Variants in TEX29 observed in about 807,000 individuals in gnomAD.
The protein encoded by TEX29 is testis-expressed protein 29.
In TEX29, 26 loss-of-function variants were observed where a neutral mutation model predicts 18.2. That is an observed-to-expected ratio of 1.43 (90% CI 1.04 to 1.98). TEX29 has a LOEUF of 1.98. Ranked by LOEUF, TEX29 falls within the 30% of genes most tolerant of loss-of-function variation. The pLI, the probability that TEX29 is intolerant of heterozygous loss-of-function variation, is 0.00. For synonymous variants in TEX29, 83 were observed against 78.5 expected, an observed-to-expected ratio of 1.06 and a Z score of -0.31; for missense variants, 177 against 194.2, an observed-to-expected ratio of 0.91 and a Z score of 0.53.
upstream of TEX29, among the ~76,000 whole-genome samples, chr13:111,320,036 C>T (rs79963919): frequency 0.039 from 5,906 of 152,320 alleles, 376 homozygotes; most frequent in African/African-American, 0.13. Context: ...TGCCCTCCTG[C>T]GGCATCTCGG....
At chr13:111,330,722 C>T (rs923288972) in intron 3 of TEX29, among the ~76,000 whole-genome samples, 4 of 152,312 alleles carry the variant, frequency 2.6e-5, no homozygotes, top group Admixed American at 2.0e-4. Flanking sequence ...CATTAGCAGT[C>T]GTGTCCTATC....
intron 3 of TEX29, among the ~76,000 whole-genome samples, chr13:111,330,574 T>G (rs2093681157): frequency 1.3e-5 from 2 of 152,224 alleles, no homozygotes; most frequent in Non-Finnish European, 2.9e-5. Flanking sequence ...CTTCAGCTAT[T>G]ATTTTTACCA....
rs571562957 is a variant in TEX29, at chr13:111,320,799, C to T, written c.-35+37C>T. ...AACGCCCCCTCCTGGTGTGAGCCGC[C>T]CGCTCCCCAAACGACGTCCCCAGGG... On this transcript the variant is annotated intron_variant, in intron 1 of 5. Transcript: ENST00000283547. 36 of 1,542,908 alleles carry T rather than the reference C, an allele frequency of 2.3e-5. No homozygotes were observed. In the Admixed American group the frequency reaches 4.7e-4, roughly 20 times the overall value.
At chr13:111,318,231 G>T (rs563998298), upstream of TEX29, among the ~76,000 whole-genome samples, 59 of 152,190 alleles carry the variant, frequency 3.9e-4, no homozygotes, top group South Asian at 0.011. Flanking sequence ...CATAGTTAGG[G>T]GTCCTCAGAG....
upstream of TEX29, among the ~76,000 whole-genome samples, chr13:111,317,927 T>C (rs1178566170): frequency 6.6e-6 from 1 of 152,196 alleles, no homozygotes; most frequent in African/African-American, 2.4e-5. Context: ...CTCATCTTAA[T>C]AGGACACCGG....
At chr13:111,319,422 G>A (rs916677928), upstream of TEX29, among the ~76,000 whole-genome samples, 4 of 152,150 alleles carry the variant, frequency 2.6e-5, no homozygotes, top group Non-Finnish European at 4.4e-5. Flanking sequence ...GTGCTACATA[G>A]CAGGTGAACC....
intron 3 of TEX29, among the ~76,000 whole-genome samples, chr13:111,335,573 A>G (rs765711587): frequency 6.6e-6 from 1 of 152,216 alleles, no homozygotes; most frequent in Non-Finnish European, 1.5e-5. Flanking sequence ...GCAGATGCTC[A>G]CAGTCGTGCT....
intron 2 of TEX29, among the ~76,000 whole-genome samples, chr13:111,322,500 T>C (rs1330932372): frequency 1.3e-5 from 2 of 152,174 alleles, no homozygotes; most frequent in East Asian, 3.9e-4. Flanking sequence ...CCACCCCGTC[T>C]GTGAGGGGCT....
chr13:111,329,077 A>G (rs1230160525), intron 3 of TEX29, among the ~76,000 whole-genome samples: 2 of 152,186 alleles, frequency 1.3e-5, no homozygotes, highest in Non-Finnish European at 2.9e-5. Flanking sequence ...AGGTCTTCTC[A>G]TTTCCAAACC....
intron 2 of TEX29, among the ~76,000 whole-genome samples, chr13:111,321,558 T>C (rs2093664516): frequency 6.6e-6 from 1 of 152,232 alleles, no homozygotes; most frequent in Middle Eastern, 3.4e-3. Flanking sequence ...TACCTGCTAC[T>C]TGAATGTTTT....
Position 111,342,757 on chromosome 13 carries a change from G to A in TEX29, c.241G>A (p.Val81Ile), listed in dbSNP as rs35219695. Residue 81 changes from valine (V) to isoleucine (I), a missense_variant and splice_region_variant, in exon 5 of 6, where the codon GTC (valine) becomes ATC (isoleucine). Coordinates refer to ENST00000283547, the MANE Select transcript of TEX29 (RefSeq NM_152324.3). ...GAFVITIIYR[V>I]IQESRKEKAI... The stretch of plus-strand genomic sequence containing the variant: ...GTGATAAAACCCTCTTCCCATCAGA[G>A]TCATTCAGGAGAGCAGGAAAGAAAA... The A allele has an allele frequency of 0.011, 17,864 of 1,613,730 alleles. 201 individuals carry two copies. Among genetic ancestry groups the A allele is most frequent in the African/African-American group, 0.036 (2,689 of 75,008 alleles).
chr13:111,328,784 C>G (rs1014790535), intron 3 of TEX29, among the ~76,000 whole-genome samples: 1 of 152,124 alleles, frequency 6.6e-6, no homozygotes, highest in Non-Finnish European at 1.5e-5. Flanking sequence ...GAAGCCAGAC[C>G]AGACGTGAGG....
chr13:111,325,750 C>T (rs569847807), intron 2 of TEX29, among the ~76,000 whole-genome samples: 7 of 152,104 alleles, frequency 4.6e-5, no homozygotes, highest in Non-Finnish European at 8.8e-5. Flanking sequence ...TGCCGGGATT[C>T]GACGGCTGGG....
upstream of TEX29, among the ~76,000 whole-genome samples, chr13:111,319,362 C>T (rs779174145): frequency 1.4e-4 from 22 of 152,206 alleles, no homozygotes; most frequent in Non-Finnish European, 2.1e-4. Context: ...TGTGGCATGT[C>T]CCTGCAGTGG....
At chr13:111,321,004 G>A (rs1328554769) in intron 2 of TEX29, 56 bp downstream of exon 2, 3 of 545,388 alleles carry the variant, frequency 5.5e-6, no homozygotes, top group Non-Finnish European at 6.9e-6. Context: ...TTGGGGGGGG[G>A]CACAGGGAGG....
At chr13:111,344,027 T>C in intron 5 of TEX29, 56 bp from the exon 6 acceptor site, 1 of 1,429,580 alleles carries the variant, frequency 7.0e-7, no homozygotes, top group South Asian at 1.2e-5. Context: ...TGAAATCTTT[T>C]CGGGACTGCT....
upstream of TEX29, among the ~76,000 whole-genome samples, chr13:111,318,318 C>G (rs2093658016): frequency 6.6e-6 from 1 of 152,180 alleles, no homozygotes; most frequent in Admixed American, 6.5e-5. Context: ...GGGAAGACTG[C>G]ACAGTCTACC....
rs535286657 is a variant in TEX29, at chr13:111,339,414, A to G, written c.170-449A>G. 93 of 453,788 alleles carry G rather than the reference A, an allele frequency of 2.0e-4. No homozygotes were observed. The East Asian group carries it at 5.1e-3, about 25-fold the overall frequency. 28.1% of individuals were successfully genotyped at this position (453,788 alleles called of 1,614,324 possible). ...CCCCCAGGGGTCAGGAGCCAGCACC[A>G]TCTATCCTCCACACACTCCCGAGGG... On this transcript the variant is annotated intron_variant, in intron 3 of 5. Coordinates refer to ENST00000283547, the MANE Select transcript of TEX29 (RefSeq NM_152324.3).
intron 2 of TEX29, among the ~76,000 whole-genome samples, chr13:111,323,309 G>T (rs72653593): frequency 6.6e-6 from 1 of 152,130 alleles, no homozygotes; most frequent in African/African-American, 2.4e-5. Context: ...GTGAAAGAGC[G>T]GAAATGAGGA....
Sources: allele counts gnomAD v4.1 joint callset (sites outside exome capture counted in the v4.1 genomes callset), GRCh38; gene constraint gnomAD v4.1.1; transcripts MANE v1.5; gene names NCBI Gene and HGNC (gene_info 2026-07-23, HGNC 2026-07-21).